SYCE2: variants seen among roughly 807,000 people sequenced by gnomAD.
SYCE2 encodes the protein synaptonemal complex central element protein 2.
SYCE2 carries 3 observed loss-of-function variants against 27.9 expected under a neutral mutation model. The ratio of observed to expected loss-of-function variants is 0.11; its 90% CI spans 0.05 to 0.28. SYCE2 has a LOEUF of 0.28. Among genes scored for constraint, SYCE2 ranks in the 10% least tolerant of loss-of-function variants. The probability of loss-of-function intolerance (pLI) is 1.00; values close to 1 mark genes in which losing one functional copy is unlikely to be tolerated. For synonymous variants in SYCE2, 85 were observed against 100.7 expected (o/e 0.84, Z 0.93); for missense variants, 207 against 263.5 (o/e 0.79, Z 1.48).
chr19:12,899,441 A>G (rs773341347), intron 5 of SYCE2, 56 bp from the exon 6 acceptor site: 2 of 1,614,170 alleles, frequency 1.2e-6, no homozygotes, highest in Non-Finnish European at 1.7e-6. Context: ...GAAAACTCCA[A>G]ACCGACTCTG....
chr19:12,912,547 G>A (rs1971066047), intron 2 of SYCE2, among the ~76,000 whole-genome samples: 1 of 152,168 alleles, frequency 6.6e-6, no homozygotes, highest in South Asian at 2.1e-4. Flanking sequence ...ATGCAGCACT[G>A]ACATTGGGGC....
chr19:12,899,475 T>C lies in SYCE2; in HGVS notation c.613-90A>G, dbSNP rs141676105. 2.5e-6 allele frequency: 4 copies of C among 1,614,024 alleles called. No homozygotes were observed. The African/African-American group carries it at 5.3e-5, about 22-fold the overall frequency. On this transcript the variant is annotated intron_variant, in intron 5 of 5. Coordinates refer to ENST00000293695, the MANE Select transcript of SYCE2 (RefSeq NM_001105578.2). ...TGTATTAATCTTGTCCAGGTACACA[T>C]GACATTCACGCCCTGATCCTTGGGA...
At chr19:12,904,367 A>G in intron 3 of SYCE2, 125 bp downstream of exon 3, 1 of 1,101,658 alleles carries the variant, frequency 9.1e-7, no homozygotes, top group Non-Finnish European at 1.3e-6. Flanking sequence ...TCATAAGTGG[A>G]GGAGCTCCTG....
chr19:12,900,925 A>C (rs1970822097), intron 3 of SYCE2, among the ~76,000 whole-genome samples: 1 of 152,130 alleles, frequency 6.6e-6, no homozygotes, highest in Non-Finnish European at 1.5e-5. Flanking sequence ...CACGCCTGTA[A>C]TCCTAACACT....
chr19:12,913,882 T>C (rs1971090042), intron 2 of SYCE2: 3 of 152,208 alleles, frequency 2.0e-5, no homozygotes, highest in African/African-American at 4.8e-5. Flanking sequence ...ATAAACCATT[T>C]CACGCGTGGC....
At chr19:12,900,168 G>C in intron 4 of SYCE2, 48 bp from the exon 5 acceptor site, 1 of 1,564,350 alleles carries the variant, frequency 6.4e-7, no homozygotes, top group East Asian at 2.3e-5. Flanking sequence ...TGCCAGGGCT[G>C]TGGGCAGAGG....
chr19:12,915,928 C>T (rs1334387281), intron 2 of SYCE2, among the ~76,000 whole-genome samples: 1 of 152,096 alleles, frequency 6.6e-6, no homozygotes, highest in Admixed American at 6.6e-5. Flanking sequence ...GCTGGCTGCC[C>T]ACAGGGGAAA....
intron 5 of SYCE2, chr19:12,899,626 T>G (rs1970787818): frequency 6.2e-7 from 1 of 1,612,884 alleles, no homozygotes; most frequent in Non-Finnish European, 8.5e-7. Flanking sequence ...GCTCTGAGCT[T>G]AGAAAGGGAG....
chr19:12,904,733 C>T (rs1212353963), intron 2 of SYCE2, 67 bp from the exon 3 acceptor site: 10 of 1,568,092 alleles, frequency 6.4e-6, no homozygotes, highest in African/African-American at 1.4e-5. Flanking sequence ...CAGGTGTAGT[C>T]GCTCATGCCT....
At chr19:12,917,691 G>GTTTTTTTTTTTTTTTTTTTTTTTTTT (rs1473794095) in intron 2 of SYCE2, among the ~76,000 whole-genome samples, 1 of 79,148 alleles carries the variant, frequency 1.3e-5, no homozygotes, top group Non-Finnish European at 2.4e-5. Context: ...CAGCGTTTCG[G>GTTTTTTTTTTTTTTTTTTTTTTTTTT]TCTTTTTGCC....
In SYCE2 at chr19:12,906,865, C is replaced by T. The variant is rs144130847; in HGVS notation, c.132-2199G>A. ...GAGATCACACCACTGCACTCTAGCC[C>T]GGGCAACAGAGTAAGACTTCGTCTC... On this transcript the variant is annotated intron_variant, in intron 2 of 5. Coordinates refer to ENST00000293695, the MANE Select transcript of SYCE2 (RefSeq NM_001105578.2). Among the ~76,000 whole-genome samples, 33 of 151,790 alleles carry T rather than the reference C, an allele frequency of 2.2e-4. No homozygotes were observed. The East Asian group carries it at 5.8e-3, about 27-fold the overall frequency.
At chr19:12,903,829 C>T (rs1239662085) in intron 3 of SYCE2, among the ~76,000 whole-genome samples, 2 of 151,778 alleles carry the variant, frequency 1.3e-5, no homozygotes, top group East Asian at 1.9e-4. Context: ...AACTCCTGGC[C>T]TCAAGTGATC....
At chr19:12,915,955 G>A (rs1971130711) in intron 2 of SYCE2, among the ~76,000 whole-genome samples, 1 of 152,108 alleles carries the variant, frequency 6.6e-6, no homozygotes, top group African/African-American at 2.4e-5. Context: ...CCAGCACCAT[G>A]ATCTCTTCCC....
At position 12,913,505 on chromosome 19, in the gene SYCE2, G is replaced by C. The variant is rs191191247; in HGVS notation, c.131+4717C>G. On this transcript the variant is annotated intron_variant, in intron 2 of 5. Coordinates refer to ENST00000293695, the MANE Select transcript of SYCE2 (RefSeq NM_001105578.2). ...AGGGGGGAACACAACAGAATCTCTG[G>C]CGCTTGGGCAAAACAATGTTTTGCT... 2.1e-3 allele frequency among the ~76,000 whole-genome samples: 324 copies of C among 152,328 alleles called. 1 individual carries two copies. The highest frequency in any genetic ancestry group is 7.3e-3 in the African/African-American group (305 of 41,574).
chr19:12,910,425 TG>T (rs1325581303), intron 2 of SYCE2, among the ~76,000 whole-genome samples: 1 of 151,930 alleles, frequency 6.6e-6, no homozygotes, highest in East Asian at 1.9e-4. Context: ...TCGCTCAGGC[TG>T]GAGTGGTGCA....
At chr19:12,902,811 C>CA (rs914806919) in intron 3 of SYCE2, among the ~76,000 whole-genome samples, 19 of 148,934 alleles carry the variant, frequency 1.3e-4, no homozygotes, top group Non-Finnish European at 2.2e-4. Context: ...AGGCTTGTCT[C>CA]AAAAAAAAAG....
At chr19:12,917,870 G>C (rs927641565) in intron 2 of SYCE2, among the ~76,000 whole-genome samples, 2 of 151,848 alleles carry the variant, frequency 1.3e-5, no homozygotes, top group African/African-American at 4.8e-5. Context: ...TGTTTGTCAG[G>C]CTGGTCTCAA....
chr19:12,917,065 CTTT>C (rs774437768), intron 2 of SYCE2, among the ~76,000 whole-genome samples: 4 of 128,482 alleles, frequency 3.1e-5, no homozygotes, highest in Non-Finnish European at 3.4e-5. Flanking sequence ...TATATATATA[CTTT>C]TTTTTTTTTT....
chr19:12,902,080 C>A (rs1970851065), intron 3 of SYCE2, among the ~76,000 whole-genome samples: 1 of 152,116 alleles, frequency 6.6e-6, no homozygotes, highest in South Asian at 2.1e-4. Flanking sequence ...CAAATACTTA[C>A]CATCATGTTA....
Sources: allele counts gnomAD v4.1 joint callset (sites outside exome capture counted in the v4.1 genomes callset), GRCh38; gene constraint gnomAD v4.1.1; transcripts MANE v1.5; gene names NCBI Gene and HGNC (gene_info 2026-07-23, HGNC 2026-07-21).